FAM161A: variants seen among roughly 807,000 people sequenced by gnomAD.
The protein encoded by FAM161A is FAM161 centrosomal protein A, also known as protein FAM161A.
In FAM161A, 57 loss-of-function variants were observed where a neutral mutation model predicts 70.9. The observed-to-expected ratio is 0.80, with a 90% confidence interval of 0.65 to 1.00. The LOEUF (loss-of-function observed/expected upper bound fraction) is 1.00, where lower values mean the gene tolerates loss of function less well. Ranked by LOEUF, FAM161A falls within the 50% of genes least tolerant of loss-of-function variation. The pLI is 0.00. For missense variants in FAM161A, 880 were observed against 836.0 expected (o/e 1.05, Z -0.65); for synonymous variants, 299 against 295.7 (o/e 1.01, Z -0.12).
chr2:61,827,105 T>C lies in FAM161A; in HGVS notation c.2005A>G (p.Ser669Gly). 1.2e-6 allele frequency: 2 copies of C among 1,613,628 alleles called. No individual in the cohort carries two copies. Among genetic ancestry groups the C allele is most frequent in the East Asian group, 2.2e-5 (1 of 44,832 alleles). Residue 669 changes from serine (S) to glycine (G), a missense_variant and splice_region_variant, in exon 6 of 7, where the codon AGC becomes GGC. Ser to Gly is a moderately conservative substitution (Grantham distance 56). Coordinates refer to ENST00000404929, the MANE Select transcript of FAM161A (RefSeq NM_001201543.2). ...ETKSVTEDKE[S>G]FNEEEKIEER... is the part of the protein sequence containing the mutation. Reference sequence around the variant, plus strand: ...ATTCAGACATCTTATATATGTTACCTTTCTTTGTCTTCAGTGACACTTTTC... The same window carrying C: ...ATTCAGACATCTTATATATGTTACCCTTCTTTGTCTTCAGTGACACTTTTC...
At position 61,838,692 on chromosome 2, in the gene FAM161A, C is replaced by T. The variant is rs778393043; in HGVS notation, c.1597G>A (p.Glu533Lys). The T allele has an allele frequency of 6.2e-7, 1 of 1,607,814 alleles. No homozygotes were observed. The highest frequency in any genetic ancestry group is 8.5e-7 in the Non-Finnish European group (1 of 1,177,622). The part of the protein sequence containing the change: ...REQAVRRSLE[E>K]KKMLEEERNR... ...CTCTCTTCTTCCAACATTTTCTTTTCCTCAAGTGATCTCCTGAGGGTAACA... is the reference window on the plus strand; with the variant it reads ...CTCTCTTCTTCCAACATTTTCTTTTTCTCAAGTGATCTCCTGAGGGTAACA... Residue 533 changes from glutamate (E) to lysine (K), a missense_variant, in exon 4 of 7, where the codon GAA (glutamate) becomes AAA (lysine). By Grantham distance (56) the Glu-to-Lys change is moderately conservative (BLOSUM62 1). Transcript: ENST00000404929.
At chr2:61,819,651 C>G in the FAM161A span, among the ~76,000 whole-genome samples, 1 of 152,006 alleles carries the variant, frequency 6.6e-6, no homozygotes, top group Non-Finnish European at 1.5e-5. Context: ...GTCAGGCTTC[C>G]TCCTGTCCTA....
chr2:61,838,884 A>AT (rs749935817), intron 3 of FAM161A, among the ~76,000 whole-genome samples, 179 bp from the exon 4 acceptor site: 14 of 133,620 alleles, frequency 1.0e-4, no homozygotes, highest in African/African-American at 2.0e-4. Context: ...TTATTTATTT[A>AT]TTTATTTATT....
At chr2:61,806,746 G>A in the FAM161A span, among the ~76,000 whole-genome samples, 4 of 126,864 alleles carry the variant, frequency 3.2e-5, no homozygotes, top group African/African-American at 1.3e-4. Flanking sequence ...AGGCTGGAGT[G>A]CAGTGGCGCC....
chr2:61,821,602 T>C (rs1007518630), downstream of FAM161A, among the ~76,000 whole-genome samples: 2 of 152,060 alleles, frequency 1.3e-5, no homozygotes, highest in Non-Finnish European at 2.9e-5. Flanking sequence ...AATATCTTTT[T>C]TTCTTTTTGT....
the FAM161A span, among the ~76,000 whole-genome samples, chr2:61,800,290 T>C: frequency 2.0e-5 from 3 of 152,184 alleles, no homozygotes; most frequent in East Asian, 5.8e-4. Context: ...AAAATGGAAA[T>C]ACTGAATGTA....
At chr2:61,815,646 G>C in the FAM161A span, among the ~76,000 whole-genome samples, 2 of 140,896 alleles carry the variant, frequency 1.4e-5, no homozygotes, top group African/African-American at 5.3e-5. Flanking sequence ...CGCCTCCCAG[G>C]TTAAAGCGAT....
intron 5 of FAM161A, 97 bp downstream of exon 5, chr2:61,835,913 A>G: frequency 1.2e-6 from 1 of 833,238 alleles, no homozygotes; most frequent in South Asian, 1.4e-5. Flanking sequence ...CAACAGTTAT[A>G]TAACACATAA....
chr2:61,837,071 T>C (rs1246119079), intron 4 of FAM161A, among the ~76,000 whole-genome samples: 2 of 152,160 alleles, frequency 1.3e-5, no homozygotes, highest in African/African-American at 4.8e-5. Flanking sequence ...TCTCATTATG[T>C]TTACCAGGCT....
At chr2:61,818,071 T>G in the FAM161A span, among the ~76,000 whole-genome samples, 3 of 151,700 alleles carry the variant, frequency 2.0e-5, no homozygotes, top group Non-Finnish European at 2.9e-5. Context: ...ATCCTTTTTT[T>G]TTTTTTTTTG....
At position 61,853,924 on chromosome 2, in the gene FAM161A, C is replaced by T. The variant is rs1295943177; in HGVS notation, c.118G>A (p.Ala40Thr). 6.2e-7 allele frequency: 1 copy of T among 1,614,024 alleles called. No individual in the cohort carries two copies. Among genetic ancestry groups the T allele is most frequent in the Middle Eastern group, 1.6e-4 (1 of 6,062 alleles). ...YEREDPLKAL[A>T]AAEAILEDEE... ...TCCTCCAAGATCGCCTCCGCTGCCG[C>T]CAGGGCCTTTAAGGGGTCTTCGCGT... Residue 40 changes from alanine to threonine, a missense_variant, in exon 1 of 7, where the codon GCG becomes ACG. Coordinates refer to ENST00000404929, the MANE Select transcript of FAM161A (RefSeq NM_001201543.2).
chr2:61,836,043 T>G lies in FAM161A; in HGVS notation c.1818A>C (p.Lys606Asn). Residue 606 changes from lysine to asparagine, a missense_variant, in exon 5 of 7, where the codon AAA (lysine) becomes AAC (asparagine). Transcript: ENST00000404929. ...CTCTTTCAAATAGCAGTGGCCTCTT[T>G]TTTAATTTTTCTTCTCTTTCTTCTA... ...RELEEREEKLKKRPLLFERVA... is the reference protein window; with the variant it reads ...RELEEREEKLNKRPLLFERVA... The G allele has an allele frequency of 6.2e-7, 1 of 1,612,020 alleles. No individual in the cohort carries two copies. Among genetic ancestry groups the G allele is most frequent in the Non-Finnish European group, 8.5e-7 (1 of 1,179,336 alleles).
At chr2:61,822,187 T>C (rs1304100248), downstream of FAM161A, among the ~76,000 whole-genome samples, 3 of 151,916 alleles carry the variant, frequency 2.0e-5, no homozygotes, top group Non-Finnish European at 4.4e-5. Flanking sequence ...TCCTAACACT[T>C]TGAGAAGCCA....
chr2:61,840,888 G>C (rs919802474), intron 2 of FAM161A, among the ~76,000 whole-genome samples: 1 of 152,282 alleles, frequency 6.6e-6, no homozygotes. Flanking sequence ...CTGACCTCGT[G>C]ATCTGCCTGC....
At chr2:61,817,870 G>A in the FAM161A span, among the ~76,000 whole-genome samples, 4 of 152,094 alleles carry the variant, frequency 2.6e-5, no homozygotes, top group Non-Finnish European at 5.9e-5. Context: ...GAAGGCTGAG[G>A]TGGGAGGATC....
At chr2:61,829,749 T>G (rs1672500920) in intron 5 of FAM161A, among the ~76,000 whole-genome samples, 1 of 152,194 alleles carries the variant, frequency 6.6e-6, no homozygotes, top group African/African-American at 2.4e-5. Context: ...AAAATTCAAT[T>G]TAACATCTTC....
At chr2:61,809,807 G>A in the FAM161A span, among the ~76,000 whole-genome samples, 5 of 152,186 alleles carry the variant, frequency 3.3e-5, no homozygotes, top group African/African-American at 1.2e-4. Context: ...TGGACCTCAT[G>A]AAGCTTCGCA....
intron 1 of FAM161A, chr2:61,846,918 T>C (rs986486359): frequency 1.8e-5 from 8 of 454,984 alleles, no homozygotes; most frequent in Middle Eastern, 3.3e-4. Flanking sequence ...CAGTGGTTCA[T>C]GCCTGTAATC....
intron 5 of FAM161A, among the ~76,000 whole-genome samples, chr2:61,828,384 A>G (rs1400689176): frequency 6.6e-6 from 1 of 151,352 alleles, no homozygotes; most frequent in African/African-American, 2.4e-5. Flanking sequence ...GCTGGAGTGC[A>G]GTGGTGCAAA....
Sources: gnomAD v4.1 joint callset for allele counts (sites outside exome capture counted in the v4.1 genomes callset) on GRCh38, gnomAD v4.1.1 for gene constraint, MANE v1.5 for transcripts, NCBI Gene and HGNC (gene_info 2026-07-23, HGNC 2026-07-21) for gene names.